Variants in EPHB1 observed in about 807,000 individuals in gnomAD.
The protein encoded by EPHB1 is ephrin type-B receptor 1.
Under a neutral mutation model 94.4 loss-of-function variants are expected in EPHB1, and 30 were observed. The observed-to-expected ratio is 0.32, with a 90% CI of 0.24 to 0.43. The LOEUF (loss-of-function observed/expected upper bound fraction) is 0.43, where lower values mean the gene tolerates loss of function less well. Ranked by LOEUF, EPHB1 falls within the 20% of genes least tolerant of loss-of-function variation. EPHB1 has a pLI of 1.00. For synonymous variants in EPHB1, 522 were observed against 489.1 expected, an observed-to-expected ratio of 1.07 and a Z score of -0.89; for missense variants, 1,055 against 1,308.3, an observed-to-expected ratio of 0.81 and a Z score of 2.99.
chr3:134,800,024 A>AATGG (rs2035908188), intron 1 of EPHB1, among the ~76,000 whole-genome samples: 1 of 152,170 alleles, frequency 6.6e-6, no homozygotes, highest in Non-Finnish European at 1.5e-5. Flanking sequence ...CGGGGCAATG[A>AATGG]AAGGAATATA....
Position 134,838,779 on chromosome 3 carries a change from G to C in EPHB1, c.58+43090G>C, listed in dbSNP as rs542431956. The stretch of plus-strand genomic sequence containing the variant: ...TGTCTTAAGTTTGGTGATGAGCTCA[G>C]AGCAGCCACCGCCACCTGGTGGCAG... On this transcript the variant is annotated intron_variant, in intron 1 of 15. Transcript: ENST00000398015. Among the ~76,000 whole-genome samples, 310 of 152,278 alleles carry C rather than the reference G, an allele frequency of 2.0e-3. 2 individuals are homozygous for C. Among genetic ancestry groups the C allele is most frequent in the African/African-American group, 7.0e-3 (289 of 41,544 alleles).
chr3:134,839,310 G>A (rs539069685), intron 1 of EPHB1, among the ~76,000 whole-genome samples: 1 of 152,290 alleles, frequency 6.6e-6, no homozygotes, highest in African/African-American at 2.4e-5. Context: ...GTTACTGGCT[G>A]CTGCTTATTT....
chr3:135,066,228 T>C (rs1029647699), intron 3 of EPHB1, among the ~76,000 whole-genome samples: 8 of 152,234 alleles, frequency 5.3e-5, no homozygotes, highest in African/African-American at 1.9e-4. Context: ...GAGCTGCTTG[T>C]AGTTGGATGT....
At chr3:135,185,147 A>G (rs1287904138) in intron 10 of EPHB1, among the ~76,000 whole-genome samples, 3 of 152,234 alleles carry the variant, frequency 2.0e-5, no homozygotes, top group South Asian at 2.1e-4. Context: ...CCAGGAATGG[A>G]TGATCATCTG....
intron 13 of EPHB1, among the ~76,000 whole-genome samples, chr3:135,245,267 A>AAGTT (rs879360441): frequency 2.0e-5 from 3 of 152,182 alleles, no homozygotes; most frequent in Non-Finnish European, 2.9e-5. Context: ...CTCATCTGTG[A>AAGTT]AGTTTCAGGA....
intron 5 of EPHB1, among the ~76,000 whole-genome samples, chr3:135,139,616 G>A (rs1205583690): frequency 6.6e-6 from 1 of 152,210 alleles, no homozygotes. Context: ...CACTCACTGA[G>A]ACTGGGATCA....
chr3:135,123,086 GT>G (rs1940042465), intron 4 of EPHB1, among the ~76,000 whole-genome samples: 1 of 152,158 alleles, frequency 6.6e-6, no homozygotes, highest in Non-Finnish European at 1.5e-5. Context: ...TCACAGCTGT[GT>G]TGTACAGCAT....
Position 134,830,855 on chromosome 3 carries a change from C to T in EPHB1, c.58+35166C>T, listed in dbSNP as rs919635796. Among the ~76,000 whole-genome samples, 3 of 152,122 alleles carry T rather than the reference C, an allele frequency of 2.0e-5. No individual in the cohort carries two copies. The East Asian group carries it at 5.8e-4, about 29-fold the overall frequency. The stretch of plus-strand genomic sequence containing the variant: ...CCCTGGACAGTCTGACATCTTTGTC[C>T]TCGATACAAGGGTGCTACAGACTGA... On this transcript the variant is annotated intron_variant, in intron 1 of 15. Coordinates refer to ENST00000398015, the MANE Select transcript of EPHB1 (RefSeq NM_004441.5).
At chr3:135,206,822 C>A (rs552688313) in intron 12 of EPHB1, among the ~76,000 whole-genome samples, 30 of 152,150 alleles carry the variant, frequency 2.0e-4, no homozygotes, top group Middle Eastern at 3.4e-3. Context: ...GCACTCCAGC[C>A]TGGGCAACAA....
intron 3 of EPHB1, among the ~76,000 whole-genome samples, chr3:135,052,993 A>G (rs1166978964): frequency 5.5e-5 from 6 of 108,800 alleles, no homozygotes; most frequent in African/African-American, 2.3e-4. Context: ...GTGTGTGTAT[A>G]TATATGTGTG....
chr3:135,162,305 A>G, intron 7 of EPHB1, 125 bp downstream of exon 7: 1 of 1,154,912 alleles, frequency 8.7e-7, no homozygotes. Context: ...AATTCCCTTC[A>G]AACGGTTTGC....
At chr3:134,982,429 G>A (rs972762163) in intron 3 of EPHB1, among the ~76,000 whole-genome samples, 1 of 152,184 alleles carries the variant, frequency 6.6e-6, no homozygotes. Context: ...TGCAAATCTT[G>A]CCAGTGAGGT....
intron 1 of EPHB1, among the ~76,000 whole-genome samples, chr3:134,879,732 A>G (rs2037689872): frequency 6.6e-6 from 1 of 152,154 alleles, no homozygotes; most frequent in South Asian, 2.1e-4. Context: ...AGTTTGGGCA[A>G]AGTTCTGGTA....
chr3:134,808,840 G>T (rs1269581782), intron 1 of EPHB1, among the ~76,000 whole-genome samples: 1 of 152,188 alleles, frequency 6.6e-6, no homozygotes, highest in Non-Finnish European at 1.5e-5. Context: ...AGTGATTTTT[G>T]GATTAGGGCA....
chr3:135,194,769 T>C (rs1342004198), intron 11 of EPHB1, among the ~76,000 whole-genome samples: 3 of 152,182 alleles, frequency 2.0e-5, no homozygotes, highest in Non-Finnish European at 4.4e-5. Context: ...GCCCATGTAC[T>C]TTCCCTAGGA....
At chr3:134,864,931 G>A (rs2037341505) in intron 1 of EPHB1, among the ~76,000 whole-genome samples, 1 of 152,204 alleles carries the variant, frequency 6.6e-6, no homozygotes, top group Admixed American at 6.5e-5. Flanking sequence ...GCCTCTAAGA[G>A]GTCAGGGAAC....
chr3:134,838,360 A>G (rs2036715235), intron 1 of EPHB1, among the ~76,000 whole-genome samples: 1 of 152,194 alleles, frequency 6.6e-6, no homozygotes, highest in South Asian at 2.1e-4. Flanking sequence ...CTCATGGTGT[A>G]TTAGAAGCAG....
At chr3:134,907,408 T>C (rs984497797) in intron 1 of EPHB1, among the ~76,000 whole-genome samples, 1 of 152,218 alleles carries the variant, frequency 6.6e-6, no homozygotes, top group African/African-American at 2.4e-5. Context: ...CCCAAAGTGC[T>C]TGGTGAAACA....
In EPHB1 at chr3:135,192,619, C is replaced by G. The variant is rs1942490094; in HGVS notation, c.1926C>G (p.Gly642=). 2 of 1,613,754 alleles carry G rather than the reference C, an allele frequency of 1.2e-6. No homozygotes were observed. Among genetic ancestry groups the G allele is most frequent in the Non-Finnish European group, 1.7e-6 (2 of 1,179,918 alleles). ...EVYKGRLKLP[G]KREIYVAIKT... ...ACAAGGGGCGTTTGAAACTGCCAGGCAAGAGGGAAATCTACGTGGCCATCA... is the reference window on the plus strand; with the variant it reads ...ACAAGGGGCGTTTGAAACTGCCAGGGAAGAGGGAAATCTACGTGGCCATCA... The change falls in exon 11 of 16, where the codon GGC becomes GGG. Residue 642 remains glycine (G), a synonymous_variant. Transcript: ENST00000398015.
Sources: allele counts gnomAD v4.1 joint callset (sites outside exome capture counted in the v4.1 genomes callset), GRCh38; gene constraint gnomAD v4.1.1; transcripts MANE v1.5; gene names NCBI Gene and HGNC (gene_info 2026-07-23, HGNC 2026-07-21).